Variants in ELOVL6 observed in about 807,000 individuals in gnomAD.
The protein encoded by ELOVL6 is very long chain fatty acid elongase 6.
ELOVL6 carries 8 observed loss-of-function variants against 31.7 expected under a neutral mutation model. That is an observed-to-expected ratio of 0.25 (90% CI 0.15 to 0.45). The LOEUF (loss-of-function observed/expected upper bound fraction) is 0.45, where lower values mean the gene tolerates loss of function less well. ELOVL6 is among the 20% of genes least tolerant of loss of function. The pLI is 1.00. For missense variants in ELOVL6, 126 were observed against 326.4 expected, an observed-to-expected ratio of 0.39 and a Z score of 4.73; for synonymous variants, 101 against 117.7, an observed-to-expected ratio of 0.86 and a Z score of 0.92.
At chr4:110,095,720 T>C (rs1756563131) in intron 2 of ELOVL6, among the ~76,000 whole-genome samples, 1 of 152,002 alleles carries the variant, frequency 6.6e-6, no homozygotes, top group South Asian at 2.1e-4. Flanking sequence ...TATCCTTGGG[T>C]AGAGGAAACA....
chr4:110,164,569 A>T, intron 1 of ELOVL6, among the ~76,000 whole-genome samples: 1 of 151,886 alleles, frequency 6.6e-6, no homozygotes, highest in East Asian at 2.0e-4. Flanking sequence ...GCGAAAGCCC[A>T]TCTCTACAAA....
intron 2 of ELOVL6, among the ~76,000 whole-genome samples, chr4:110,090,447 A>G (rs1756385198): frequency 6.6e-6 from 1 of 152,086 alleles, no homozygotes; most frequent in South Asian, 2.1e-4. Context: ...ATAGCATTGT[A>G]TATGTAAAGA....
intron 1 of ELOVL6, among the ~76,000 whole-genome samples, chr4:110,165,618 G>A (rs965654577): frequency 4.6e-5 from 7 of 152,198 alleles, no homozygotes; most frequent in Admixed American, 4.6e-4. Context: ...GCAGGAAGTA[G>A]CATGGTCTCA....
intron 1 of ELOVL6, among the ~76,000 whole-genome samples, chr4:110,133,130 A>T (rs1757717020): frequency 6.6e-6 from 1 of 152,154 alleles, no homozygotes; most frequent in African/African-American, 2.4e-5. Flanking sequence ...GATTAAGAAG[A>T]CACATTCAAG....
chr4:110,182,573 C>T (rs1759318301), intron 1 of ELOVL6, among the ~76,000 whole-genome samples: 2 of 152,124 alleles, frequency 1.3e-5, no homozygotes, highest in African/African-American at 4.8e-5. Flanking sequence ...AATCACACCA[C>T]CCACATATAC....
At chr4:110,190,227 A>T (rs1040651382) in intron 1 of ELOVL6, among the ~76,000 whole-genome samples, 2 of 152,216 alleles carry the variant, frequency 1.3e-5, no homozygotes, top group African/African-American at 4.8e-5. Flanking sequence ...AGCAAAGGTA[A>T]GTGTAAGTCT....
rs1754767637 is a variant in ELOVL6, at chr4:110,048,940, A to G, written c.*2398T>C. 6.6e-6 allele frequency: 1 copy of G among 152,224 alleles called. No individual in the cohort carries two copies. Among genetic ancestry groups the G allele is most frequent in the African/African-American group, 2.4e-5 (1 of 41,458 alleles). The allele number at this position is 152,224 out of a possible 1,614,324, so 9.4% of individuals were successfully genotyped here. ...ATGCTCACTTCCGTTTCTAACCTGCATTAAGAGATCTGCAATAAATCACTC... is the reference window on the plus strand; with the variant it reads ...ATGCTCACTTCCGTTTCTAACCTGCGTTAAGAGATCTGCAATAAATCACTC... On this transcript the variant is annotated 3_prime_UTR_variant, in exon 4 of 4. Coordinates refer to ENST00000302274, the MANE Select transcript of ELOVL6 (RefSeq NM_024090.3).
rs1338361248 is a variant in ELOVL6 at position 110,174,393 on chromosome 4, C to T, written c.89+23854G>A. ...GTTGGCCAGGCTGGTCTTGAACCCCCGGCCTCAAGTGATCTGCCTGCCTTG... is the reference window on the plus strand; with the variant it reads ...GTTGGCCAGGCTGGTCTTGAACCCCTGGCCTCAAGTGATCTGCCTGCCTTG... On this transcript the variant is annotated intron_variant, in intron 1 of 3. Coordinates refer to ENST00000302274, the MANE Select transcript of ELOVL6 (RefSeq NM_024090.3). Among the ~76,000 whole-genome samples, 4 of 152,000 alleles carry T rather than the reference C, an allele frequency of 2.6e-5. No homozygotes were observed. In the South Asian group the frequency reaches 6.2e-4, roughly 24 times the overall value.
chr4:110,164,599 G>C (rs2126270562), intron 1 of ELOVL6, among the ~76,000 whole-genome samples: 1 of 151,964 alleles, frequency 6.6e-6, no homozygotes, highest in East Asian at 2.0e-4. Flanking sequence ...AATTAGCCCG[G>C]TGTGGTGGCA....
At chr4:110,106,541 TG>T (rs761731251) in intron 1 of ELOVL6, among the ~76,000 whole-genome samples, 2 of 152,142 alleles carry the variant, frequency 1.3e-5, no homozygotes, top group East Asian at 3.9e-4. Flanking sequence ...ACTGTCATGG[TG>T]TTGGTGGGAG....
chr4:110,132,779 G>T (rs1301160332), intron 1 of ELOVL6, among the ~76,000 whole-genome samples: 1 of 152,104 alleles, frequency 6.6e-6, no homozygotes, highest in Admixed American at 6.5e-5. Flanking sequence ...TGTGGAGGTT[G>T]CAGTGAGCTG....
Position 110,175,339 on chromosome 4 carries a change from G to A in ELOVL6, c.89+22908C>T, listed in dbSNP as rs148277368. Among the ~76,000 whole-genome samples the A allele has an allele frequency of 3.0e-3, 452 of 151,884 alleles. 10 individuals carry two copies. The highest frequency in any genetic ancestry group is 8.9e-3 in the African/African-American group (368 of 41,394). Reference sequence around the variant, plus strand: ...AGAGGTTGCAGTGAGCCAACATTGCGCTACTGCACTCCAGCCTGGGCAACA... The same window carrying A: ...AGAGGTTGCAGTGAGCCAACATTGCACTACTGCACTCCAGCCTGGGCAACA... On this transcript the variant is annotated intron_variant, in intron 1 of 3. Transcript: ENST00000302274.
At chr4:110,077,359 C>T (rs1755673038) in intron 2 of ELOVL6, among the ~76,000 whole-genome samples, 2 of 152,170 alleles carry the variant, frequency 1.3e-5, no homozygotes, top group Admixed American at 1.3e-4. Flanking sequence ...AGACTGACAC[C>T]TCACACAGCC....
intron 1 of ELOVL6, among the ~76,000 whole-genome samples, chr4:110,140,624 A>C (rs572894882): frequency 7.2e-5 from 11 of 152,128 alleles, no homozygotes; most frequent in Admixed American, 7.2e-4. Flanking sequence ...CCAAGAGATA[A>C]TACTTTTTAT....
At chr4:110,075,156 T>G (rs1333461509) in intron 2 of ELOVL6, among the ~76,000 whole-genome samples, 2 of 152,154 alleles carry the variant, frequency 1.3e-5, no homozygotes, top group Non-Finnish European at 2.9e-5. Flanking sequence ...TTGGAACCCA[T>G]GTGCACTGTT....
At chr4:110,098,119 G>T (rs1222968758) in intron 2 of ELOVL6, among the ~76,000 whole-genome samples, 1 of 152,108 alleles carries the variant, frequency 6.6e-6, no homozygotes, top group African/African-American at 2.4e-5. Flanking sequence ...TTCTTCAAGA[G>T]TTGAACACGG....
At chr4:110,066,085 G>A (rs904516094) in intron 2 of ELOVL6, among the ~76,000 whole-genome samples, 1 of 152,070 alleles carries the variant, frequency 6.6e-6, no homozygotes, top group Non-Finnish European at 1.5e-5. Context: ...ATCAAAGGGG[G>A]GTGGGAGTGG....
chr4:110,186,242 G>A (rs992062800), intron 1 of ELOVL6, among the ~76,000 whole-genome samples: 5 of 151,854 alleles, frequency 3.3e-5, no homozygotes, highest in Admixed American at 1.3e-4. Flanking sequence ...AAAATAAAGT[G>A]ACTTAACAAG....
In ELOVL6 at chr4:110,138,687, A is replaced by G. The variant is rs187921869; in HGVS notation, c.90-33059T>C. On this transcript the variant is annotated intron_variant, in intron 1 of 3. Coordinates refer to ENST00000302274, the MANE Select transcript of ELOVL6 (RefSeq NM_024090.3). ...AAGCCTGAACACTAGAGTTTGGTGTATGTAAGGAGCTGAGCAATGGTCACT... is the reference window on the plus strand; with the variant it reads ...AAGCCTGAACACTAGAGTTTGGTGTGTGTAAGGAGCTGAGCAATGGTCACT... Among the ~76,000 whole-genome samples the G allele has an allele frequency of 6.3e-5, 9 of 142,824 alleles. No homozygotes were observed. In the East Asian group the frequency reaches 9.2e-4, roughly 15 times the overall value. The allele number at this position is 142,824 out of a possible 152,430, so 93.7% of individuals were successfully genotyped here. A position where few individuals can be genotyped will look rare whatever the true frequency, so the allele number is the denominator to read the frequency against.
Sources: gnomAD v4.1 joint callset for allele counts (sites outside exome capture counted in the v4.1 genomes callset) on GRCh38, gnomAD v4.1.1 for gene constraint, MANE v1.5 for transcripts, NCBI Gene and HGNC (gene_info 2026-07-23, HGNC 2026-07-21) for gene names.